GMEB1: variants seen among roughly 807,000 people sequenced by gnomAD.
GMEB1 encodes the protein glucocorticoid modulatory element-binding protein 1.
Under a neutral mutation model 52.4 loss-of-function variants are expected in GMEB1, and 6 were observed. The ratio of observed to expected loss-of-function variants is 0.11; its 90% confidence interval spans 0.06 to 0.23. The LOEUF is 0.23. Ranked by LOEUF, GMEB1 falls within the 10% of genes least tolerant of loss-of-function variation. The pLI is 1.00. For synonymous variants in GMEB1, 255 were observed against 244.9 expected, an observed-to-expected ratio of 1.04 and a Z score of -0.38; for missense variants, 486 against 685.6, an observed-to-expected ratio of 0.71 and a Z score of 3.25.
chr1:28,673,053 G>T (rs184896432), intron 1 of GMEB1, among the ~76,000 whole-genome samples: 1 of 152,106 alleles, frequency 6.6e-6, no homozygotes, highest in Non-Finnish European at 1.5e-5. Flanking sequence ...GTGCCACTAC[G>T]CCCGGCTAAT....
Position 28,702,488 on chromosome 1 carries a change from C to A in GMEB1, c.649C>A (p.Leu217Met). 6.2e-7 allele frequency: 1 copy of A among 1,613,184 alleles called. No individual in the cohort carries two copies. The highest frequency in any genetic ancestry group is 1.1e-5 in the South Asian group (1 of 91,070). ...ISEESMEEAGLEWNSALTAAV... is the reference protein window; with the variant it reads ...ISEESMEEAGMEWNSALTAAV... ...AGAAGAGAGCATGGAAGAGGCAGGGCTGGAATGGAACTCAGCTCTCACCGC... is the reference window on the plus strand; with the variant it reads ...AGAAGAGAGCATGGAAGAGGCAGGGATGGAATGGAACTCAGCTCTCACCGC... Residue 217 changes from leucine to methionine, a missense_variant, in exon 7 of 10, where the codon CTG (leucine) becomes ATG (methionine). Transcript: ENST00000373816.
intron 1 of GMEB1, among the ~76,000 whole-genome samples, 193 bp from the exon 2 acceptor site, chr1:28,683,390 G>A (rs1669485421): frequency 6.6e-6 from 1 of 151,958 alleles, no homozygotes; most frequent in Non-Finnish European, 1.5e-5. Flanking sequence ...CACGTACCCG[G>A]TTAATTTTGT....
At chr1:28,706,976 GGTTTTTTTT>G (rs1046859257) in intron 8 of GMEB1, among the ~76,000 whole-genome samples, 11 of 101,374 alleles carry the variant, frequency 1.1e-4, no homozygotes, top group African/African-American at 4.0e-4. Flanking sequence ...CTCCAGATTT[GGTTTTTTTT>G]TTTTTTTTTT....
Position 28,713,105 on chromosome 1 carries a change from CCGAGA to C in GMEB1, c.992-967_992-963del, listed in dbSNP as rs1213567855. Among the ~76,000 whole-genome samples, 3 of 150,740 alleles carry C rather than the reference CCGAGA, an allele frequency of 2.0e-5. No homozygotes were observed. The South Asian group carries it at 6.3e-4, about 32-fold the overall frequency. On this transcript the variant is annotated intron_variant, in intron 9 of 9. Coordinates refer to ENST00000373816, the MANE Select transcript of GMEB1 (RefSeq NM_001319674.2). ...CCCAGGAGGCAGAGCTTGCAGTGAG[CCGAGA>C]TCGCACCACTGCACTCCAGCCTGGG... is the stretch of plus-strand genomic sequence containing the variant.
intron 6 of GMEB1, among the ~76,000 whole-genome samples, chr1:28,697,581 G>T (rs1410312510): frequency 2.0e-5 from 3 of 152,138 alleles, no homozygotes; most frequent in East Asian, 1.9e-4. Flanking sequence ...TCTTGGATGG[G>T]ATTCCATGCT....
chr1:28,703,397 C>T (rs1306246438), intron 7 of GMEB1, among the ~76,000 whole-genome samples: 2 of 152,084 alleles, frequency 1.3e-5, no homozygotes, highest in East Asian at 3.9e-4. Flanking sequence ...TGCGGTGGCT[C>T]ATGCCTGTAA....
At chr1:28,670,845 T>C (rs889245446) in intron 1 of GMEB1, among the ~76,000 whole-genome samples, 4 of 152,176 alleles carry the variant, frequency 2.6e-5, no homozygotes, top group Non-Finnish European at 5.9e-5. Flanking sequence ...ATTTAATATC[T>C]TACTTAAATG....
chr1:28,679,445 TG>T (rs1669298871), intron 1 of GMEB1, among the ~76,000 whole-genome samples: 1 of 152,006 alleles, frequency 6.6e-6, no homozygotes, highest in South Asian at 2.1e-4. Flanking sequence ...CCCAAAGTAT[TG>T]GGATTACAGG....
At chr1:28,686,909 A>G (rs1354567508) in intron 2 of GMEB1, among the ~76,000 whole-genome samples, 3 of 152,164 alleles carry the variant, frequency 2.0e-5, no homozygotes, top group Non-Finnish European at 4.4e-5. Context: ...GGAGACAGAC[A>G]GATAAACAAG....
intron 6 of GMEB1, among the ~76,000 whole-genome samples, 166 bp downstream of exon 6, chr1:28,697,250 C>T (rs887107470): frequency 7.0e-6 from 1 of 142,804 alleles, no homozygotes; most frequent in African/African-American, 2.6e-5. Context: ...CTCTTGTTGC[C>T]CAGGTTGGAG....
intron 6 of GMEB1, among the ~76,000 whole-genome samples, chr1:28,698,291 C>A (rs1464107807): frequency 6.6e-6 from 1 of 150,714 alleles, no homozygotes; most frequent in African/African-American, 2.4e-5. Flanking sequence ...ATTGCTTGAA[C>A]CTGGGAGGCA....
At position 28,682,563 on chromosome 1, in the gene GMEB1, A is replaced by C. The variant is rs1272048222; in HGVS notation, c.-30-1020A>C. ...CTTGAGCTTGGGAGGCAGATGTTGC[A>C]GTGAGCCAAGATCATGCCACAGCAC... is the stretch of plus-strand genomic sequence containing the variant. On this transcript the variant is annotated intron_variant, in intron 1 of 9. Coordinates refer to ENST00000373816, the MANE Select transcript of GMEB1 (RefSeq NM_001319674.2). 3.3e-5 allele frequency among the ~76,000 whole-genome samples: 5 copies of C among 149,686 alleles called. No homozygotes were observed. In the East Asian group the frequency reaches 7.9e-4, roughly 24 times the overall value.
intron 8 of GMEB1, among the ~76,000 whole-genome samples, chr1:28,704,788 A>C (rs138924345): frequency 6.6e-6 from 1 of 151,998 alleles, no homozygotes; most frequent in South Asian, 2.1e-4. Flanking sequence ...TTGTATTTTT[A>C]GTAGAGACAG....
intron 1 of GMEB1, among the ~76,000 whole-genome samples, chr1:28,669,241 G>C (rs988415630): frequency 4.6e-5 from 7 of 151,800 alleles, no homozygotes; most frequent in African/African-American, 1.7e-4. Context: ...ACTCCGGACT[G>C]AGAGGGCCAG....
chr1:28,709,657 G>A (rs1047134913), intron 8 of GMEB1, among the ~76,000 whole-genome samples: 2 of 152,088 alleles, frequency 1.3e-5, no homozygotes, highest in Admixed American at 6.6e-5. Flanking sequence ...TCACTGTAAC[G>A]TCTGCCTCCT....
At chr1:28,689,940 G>T in intron 2 of GMEB1, 164 bp from the exon 3 acceptor site, 1 of 512,670 alleles carries the variant, frequency 2.0e-6, no homozygotes, top group Non-Finnish European at 3.4e-6. Context: ...GCAATCCTGG[G>T]AGGTTTGGAG....
intron 3 of GMEB1, 76 bp from the exon 4 acceptor site, chr1:28,691,509 A>T (rs1385851774): frequency 1.6e-5 from 17 of 1,076,918 alleles, no homozygotes; most frequent in Non-Finnish European, 2.2e-5. Flanking sequence ...TAGAGGAACC[A>T]GGAGACTAGA....
intron 2 of GMEB1, among the ~76,000 whole-genome samples, chr1:28,684,321 T>A (rs1030113676): frequency 6.6e-6 from 1 of 152,026 alleles, no homozygotes; most frequent in Non-Finnish European, 1.5e-5. Context: ...CCCAGCACTT[T>A]GGGAGGCCGA....
At chr1:28,707,561 A>G (rs1366498675) in intron 8 of GMEB1, among the ~76,000 whole-genome samples, 4 of 152,178 alleles carry the variant, frequency 2.6e-5, no homozygotes, top group African/African-American at 9.7e-5. Flanking sequence ...AGAAAGAAAG[A>G]TACCGGGATG....
Sources: gnomAD v4.1 joint callset for allele counts (sites outside exome capture counted in the v4.1 genomes callset) on GRCh38, gnomAD v4.1.1 for gene constraint, MANE v1.5 for transcripts, NCBI Gene and HGNC (gene_info 2026-07-23, HGNC 2026-07-21) for gene names.